Variants in C12orf42 observed in about 807,000 individuals in gnomAD.
C12orf42 encodes uncharacterized protein C12orf42.
A neutral mutation model predicts 21.6 loss-of-function variants in C12orf42; 25 were observed. The ratio of observed to expected loss-of-function variants is 1.16; its 90% confidence interval spans 0.84 to 1.62. The LOEUF (loss-of-function observed/expected upper bound fraction) is 1.62, where lower values mean the gene tolerates loss of function less well. C12orf42 is among the 40% of genes most tolerant of loss of function. C12orf42 has a pLI of 0.00. For synonymous variants in C12orf42, 174 were observed against 175.0 expected, an observed-to-expected ratio of 0.99 and a Z score of 0.05; for missense variants, 483 against 459.3, an observed-to-expected ratio of 1.05 and a Z score of -0.47.
At chr12:103,229,624 C>T in the C12orf42 span, among the ~76,000 whole-genome samples, 1 of 152,216 alleles carries the variant, frequency 6.6e-6, no homozygotes. Context: ...AAGAGTGCTT[C>T]TGAAGTCCCT....
chr12:103,146,803 T>C, the C12orf42 span, among the ~76,000 whole-genome samples: 10 of 152,330 alleles, frequency 6.6e-5, 1 homozygote, highest in South Asian at 2.1e-3. Context: ...CTAGCACATT[T>C]TTCCCCAAAG....
the C12orf42 span, among the ~76,000 whole-genome samples, chr12:103,510,192 T>C: frequency 1.3e-5 from 2 of 152,210 alleles, no homozygotes; most frequent in Non-Finnish European, 2.9e-5. Flanking sequence ...AGGAACAAAT[T>C]AATGGTGTTT....
At chr12:103,461,606 A>G (rs761710055) in intron 2 of C12orf42, among the ~76,000 whole-genome samples, 3 of 152,234 alleles carry the variant, frequency 2.0e-5, no homozygotes, top group South Asian at 2.1e-4. Context: ...TGGTAGAAAG[A>G]GTACTGATAT....
chr12:103,383,787 A>C (rs1022607818), intron 3 of C12orf42, among the ~76,000 whole-genome samples: 10 of 152,222 alleles, frequency 6.6e-5, no homozygotes, highest in Non-Finnish European at 1.5e-4. Flanking sequence ...TAAAATAACA[A>C]AGTATTTTGA....
intron 1 of C12orf42, among the ~76,000 whole-genome samples, chr12:103,490,611 T>C (rs544204063): frequency 5.3e-5 from 8 of 152,162 alleles, no homozygotes; most frequent in African/African-American, 1.7e-4. Context: ...TTTAATTTTC[T>C]AGAATTTTTA....
chr12:103,388,975 T>G (rs982641465), intron 3 of C12orf42, among the ~76,000 whole-genome samples: 2 of 152,212 alleles, frequency 1.3e-5, no homozygotes, highest in African/African-American at 4.8e-5. Flanking sequence ...GGGCTGTGCT[T>G]GCTTTCCAGC....
intron 4 of C12orf42, among the ~76,000 whole-genome samples, chr12:103,321,034 C>T (rs919794953): frequency 2.0e-5 from 3 of 152,154 alleles, no homozygotes; most frequent in African/African-American, 7.2e-5. Context: ...ATATAAATAA[C>T]AATTCTAAGT....
chr12:103,379,662 G>A (rs73185877), intron 3 of C12orf42, among the ~76,000 whole-genome samples: 4,487 of 152,254 alleles, frequency 0.029, 75 homozygotes, highest in East Asian at 0.057. Flanking sequence ...AATACACTTT[G>A]CCCACACTGG....
At chr12:103,548,599 C>G in the C12orf42 span, 1 of 152,132 alleles carries the variant, frequency 6.6e-6, no homozygotes, top group African/African-American at 2.4e-5. Flanking sequence ...AAGATAGTAG[C>G]TATTGATAGA....
At chr12:103,465,159 G>A (rs907140306) in intron 2 of C12orf42, among the ~76,000 whole-genome samples, 1 of 152,062 alleles carries the variant, frequency 6.6e-6, no homozygotes. Context: ...TAGTTTAATG[G>A]GAAGAGCACT....
chr12:103,108,217 T>G, the C12orf42 span, among the ~76,000 whole-genome samples: 1 of 151,768 alleles, frequency 6.6e-6, no homozygotes, highest in African/African-American at 2.4e-5. Context: ...ACTATAATTT[T>G]ACTAGAGTCC....
At chr12:103,367,154 T>C (rs751835309) in intron 4 of C12orf42, among the ~76,000 whole-genome samples, 83 of 151,980 alleles carry the variant, frequency 5.5e-4, no homozygotes, top group Non-Finnish European at 9.3e-4. Context: ...GCAACCTGTA[T>C]GGGAATGGAG....
chr12:103,356,333 G>C (rs755348112), intron 4 of C12orf42, among the ~76,000 whole-genome samples: 19 of 152,098 alleles, frequency 1.2e-4, no homozygotes, highest in Non-Finnish European at 2.6e-4. Flanking sequence ...TAGAATGTCT[G>C]TATCTATTCA....
At chr12:103,322,096 T>C (rs771168839) in intron 4 of C12orf42, among the ~76,000 whole-genome samples, 1 of 145,690 alleles carries the variant, frequency 6.9e-6, no homozygotes, top group Non-Finnish European at 1.5e-5. Flanking sequence ...TCTTCTCAGA[T>C]GTGCACGCGC....
chr12:103,106,666 C>T, the C12orf42 span, among the ~76,000 whole-genome samples: 2 of 150,280 alleles, frequency 1.3e-5, no homozygotes, highest in East Asian at 2.0e-4. Context: ...AATGCATAGT[C>T]GGGGAAAAGA....
the C12orf42 span, among the ~76,000 whole-genome samples, chr12:103,230,900 G>T: frequency 6.6e-6 from 1 of 151,818 alleles, no homozygotes; most frequent in African/African-American, 2.4e-5. Context: ...CATAATTTTT[G>T]ACCTTTCTTT....
intron 4 of C12orf42, among the ~76,000 whole-genome samples, chr12:103,295,007 G>A (rs187391699): frequency 2.6e-5 from 4 of 152,256 alleles, no homozygotes; most frequent in Non-Finnish European, 2.9e-5. Context: ...ACTTATGACT[G>A]AGAACATGGG....
At chr12:103,455,145 C>T (rs1037237311) in intron 2 of C12orf42, among the ~76,000 whole-genome samples, 2 of 152,126 alleles carry the variant, frequency 1.3e-5, no homozygotes, top group Non-Finnish European at 2.9e-5. Flanking sequence ...CTGTCTTTCT[C>T]AACTTTAGAG....
intron 3 of C12orf42, among the ~76,000 whole-genome samples, chr12:103,373,310 T>C (rs2045422404): frequency 6.6e-6 from 1 of 152,194 alleles, no homozygotes; most frequent in Non-Finnish European, 1.5e-5. Context: ...AGTGGCCTCG[T>C]GTGCTATCGG....
Sources: gnomAD v4.1 joint callset for allele counts (sites outside exome capture counted in the v4.1 genomes callset) on GRCh38, gnomAD v4.1.1 for gene constraint, MANE v1.5 for transcripts, NCBI Gene and HGNC (gene_info 2026-07-23, HGNC 2026-07-21) for gene names.